The following LITAF variants were observed in gnomAD, a reference collection of about 807,000 sequenced individuals.
LITAF encodes lipopolysaccharide induced TNF factor.
LITAF carries 9 observed loss-of-function variants against 14.5 expected under a neutral mutation model. The observed-to-expected ratio is 0.62, with a 90% CI of 0.37 to 1.08. The LOEUF (loss-of-function observed/expected upper bound fraction) is 1.08, where lower values mean the gene tolerates loss of function less well. Ranked by LOEUF, LITAF falls within the 50% of genes least tolerant of loss-of-function variation. The pLI, the probability that LITAF is intolerant of heterozygous loss-of-function variation, is 0.01. For synonymous variants in LITAF, 98 were observed against 88.2 expected, an observed-to-expected ratio of 1.11 and a Z score of -0.62; for missense variants, 206 against 213.4, an observed-to-expected ratio of 0.97 and a Z score of 0.22.
rs117666983 is a variant in LITAF at position 11,568,374 on chromosome 16, A to G, written c.-5-11639T>C. On this transcript the variant is annotated intron_variant, in intron 1 of 3. Coordinates refer to ENST00000622633, the MANE Select transcript of LITAF (RefSeq NM_001136472.2). ...CCTTGAGTCATGAGCAGGCTCCCCA[A>G]TGTCCCCACCCCATCAAATTCAGAA... Among the ~76,000 whole-genome samples, 48 of 152,070 alleles carry G rather than the reference A, an allele frequency of 3.2e-4. 2 individuals carry two copies. The East Asian group carries it at 7.7e-3, about 25-fold the overall frequency.
chr16:11,568,441 C>A (rs72779166), intron 1 of LITAF, among the ~76,000 whole-genome samples: 1 of 152,000 alleles, frequency 6.6e-6, no homozygotes, highest in African/African-American at 2.4e-5. Context: ...CTTGGGGTAG[C>A]CCTAAAGCCA....
upstream of LITAF, among the ~76,000 whole-genome samples, chr16:11,636,832 G>T (rs948967226): frequency 6.6e-6 from 1 of 151,918 alleles, no homozygotes; most frequent in African/African-American, 2.4e-5. Flanking sequence ...ATTCCACCGA[G>T]GACTCTGTTG....
chr16:11,566,206 T>C (rs1216796960), intron 1 of LITAF, among the ~76,000 whole-genome samples: 1 of 152,144 alleles, frequency 6.6e-6, no homozygotes, highest in African/African-American at 2.4e-5. Context: ...ATAGACCCCA[T>C]AAGAGCAGGA....
At chr16:11,566,108 G>C (rs546926703) in intron 1 of LITAF, among the ~76,000 whole-genome samples, 1 of 152,054 alleles carries the variant, frequency 6.6e-6, no homozygotes, top group Non-Finnish European at 1.5e-5. Context: ...ATAAGCACTC[G>C]GTATGTGTCA....
At position 11,556,784 on chromosome 16, in the gene LITAF, C is replaced by T. The variant is rs552859310; in HGVS notation, c.-5-49G>A. 170 of 1,474,322 alleles carry T rather than the reference C, an allele frequency of 1.2e-4. No individual in the cohort carries two copies. In the African/African-American group the frequency reaches 2.1e-3, roughly 18 times the overall value. 91.3% of individuals were successfully genotyped at this position (1,474,322 alleles called of 1,614,324 possible). A position where few individuals can be genotyped will look rare whatever the true frequency, so the allele number is the denominator to read the frequency against. ...AGATAAGAAATTCAGTTGATCTCTC[C>T]CTCTCTTTTTCACCTAAGTCTTCAA... On this transcript the variant is annotated intron_variant, in intron 1 of 3. Transcript: ENST00000622633.
chr16:11,577,849 C>G (rs913755502), intron 1 of LITAF, among the ~76,000 whole-genome samples: 1 of 152,044 alleles, frequency 6.6e-6, no homozygotes, highest in Non-Finnish European at 1.5e-5. Context: ...CTCAGCCTCT[C>G]GAGTAGTTGT....
intron 1 of LITAF, among the ~76,000 whole-genome samples, chr16:11,567,295 C>T (rs2064466016): frequency 6.6e-6 from 1 of 152,122 alleles, no homozygotes; most frequent in African/African-American, 2.4e-5. Context: ...TGGCACACGC[C>T]TGTAATCCTA....
At chr16:11,588,985 T>C (rs907836849), upstream of LITAF, among the ~76,000 whole-genome samples, 1 of 152,132 alleles carries the variant, frequency 6.6e-6, no homozygotes, top group Non-Finnish European at 1.5e-5. Context: ...ACATCTTCAT[T>C]TGTTTTTCTT....
At chr16:11,564,735 T>G (rs1209525497) in intron 1 of LITAF, among the ~76,000 whole-genome samples, 1 of 151,966 alleles carries the variant, frequency 6.6e-6, no homozygotes, top group Non-Finnish European at 1.5e-5. Flanking sequence ...AGCCTAGCAG[T>G]TTTATCACTG....
At chr16:11,611,165 A>T (rs1437001341) in intron 3 of LITAF, among the ~76,000 whole-genome samples, 1 of 152,018 alleles carries the variant, frequency 6.6e-6, no homozygotes, top group Non-Finnish European at 1.5e-5. Flanking sequence ...CCTAGGCAAA[A>T]ATAGTGAGAC....
chr16:11,547,844 T>A lies in LITAF; in HGVS notation c.*1793A>T, dbSNP rs766593913. The A allele has an allele frequency of 3.1e-5, 14 of 454,012 alleles. No homozygotes were observed. The highest frequency in any genetic ancestry group is 4.8e-5 in the Non-Finnish European group (11 of 226,814). The allele number at this position is 454,012 out of a possible 1,614,324, so 28.1% of individuals were successfully genotyped here. A position where few individuals can be genotyped will look rare whatever the true frequency, so the allele number is the denominator to read the frequency against. On this transcript the variant is annotated 3_prime_UTR_variant, in exon 4 of 4. Coordinates refer to ENST00000622633, the MANE Select transcript of LITAF (RefSeq NM_001136472.2). The stretch of plus-strand genomic sequence containing the variant: ...GTTAGCAAATCCACCCAACTCAACA[T>A]CGGTCATCTTGACATTGCAGGATAT...
At chr16:11,613,250 G>C (rs970170414) in intron 3 of LITAF, among the ~76,000 whole-genome samples, 2 of 152,148 alleles carry the variant, frequency 1.3e-5, no homozygotes, top group African/African-American at 4.8e-5. Context: ...ATGTTGACCA[G>C]GCTGGTCTCG....
upstream of LITAF, among the ~76,000 whole-genome samples, chr16:11,637,966 C>CTATATATCTATATATATCTA (rs1229224477): frequency 9.7e-5 from 3 of 30,832 alleles, 1 homozygote; most frequent in South Asian, 7.6e-4. Flanking sequence ...CTATATATAT[C>CTATATATCTATATATATCTA]TATATATCTA....
In LITAF at chr16:11,548,714, G is replaced by A; in HGVS notation, c.*923C>T. 2.2e-6 allele frequency: 1 copy of A among 453,420 alleles called. No homozygotes were observed. 28.1% of individuals were successfully genotyped at this position (453,420 alleles called of 1,614,324 possible). A position where few individuals can be genotyped will look rare whatever the true frequency, so the allele number is the denominator to read the frequency against. ...GTTCAGGCCCAGCATGGTAGCTTAT[G>A]CCTGCAATCCCAGCACTTCGGGAGG... On this transcript the variant is annotated 3_prime_UTR_variant, in exon 4 of 4. Coordinates refer to ENST00000622633, the MANE Select transcript of LITAF (RefSeq NM_001136472.2).
chr16:11,596,414 C>A (rs915155963), intron 1 of LITAF, among the ~76,000 whole-genome samples: 1 of 130,782 alleles, frequency 7.6e-6, no homozygotes, highest in Non-Finnish European at 1.5e-5. Context: ...ATACCCAGGT[C>A]ACAGCAACTG....
intron 1 of LITAF, among the ~76,000 whole-genome samples, chr16:11,573,717 T>C (rs1274754456): frequency 6.7e-6 from 1 of 150,310 alleles, no homozygotes; most frequent in African/African-American, 2.5e-5. Flanking sequence ...TTTTTTTTTT[T>C]TTTTTTAGGA....
rs1244437552 is a variant in LITAF at position 11,635,035 on chromosome 16, AAAATAAAATAAAAT to A, written c.-21+776_-21+789del. The stretch of plus-strand genomic sequence containing the variant: ...GGCATCACAGTGAGACTCCATCTCA[AAAATAAAATAAAAT>A]AAAATAAAATAAAATAAAATAAAAT... On this transcript the variant is annotated intron_variant, in intron 2 of 3. Coordinates refer to the LITAF transcript ENST00000574848. Among the ~76,000 whole-genome samples, 4 of 112 alleles carry A rather than the reference AAAATAAAATAAAAT, an allele frequency of 0.036. No individual in the cohort carries two copies. In the East Asian group the frequency reaches 0.5, roughly 14 times the overall value. The allele number at this position is 112 out of a possible 152,430, so 0.1% of individuals were successfully genotyped here. A position where few individuals can be genotyped will look rare whatever the true frequency, so the allele number is the denominator to read the frequency against.
intron 1 of LITAF, among the ~76,000 whole-genome samples, chr16:11,575,777 C>G (rs2064622537): frequency 6.6e-6 from 1 of 152,162 alleles, no homozygotes; most frequent in African/African-American, 2.4e-5. Context: ...AGCAGAAACC[C>G]CAGTCTCCAT....
intron 1 of LITAF, among the ~76,000 whole-genome samples, chr16:11,585,611 G>A (rs12929430): frequency 0.15 from 22,692 of 152,142 alleles, 1,868 homozygotes; most frequent in South Asian, 0.23. Context: ...ATCTGGGTTA[G>A]TCCTAAATAG....
Sources: gnomAD v4.1 joint callset for allele counts (sites outside exome capture counted in the v4.1 genomes callset) on GRCh38, gnomAD v4.1.1 for gene constraint, MANE v1.5 for transcripts, NCBI Gene and HGNC (gene_info 2026-07-23, HGNC 2026-07-21) for gene names.